Variants in EYS observed in about 807,000 individuals in gnomAD.
EYS encodes protein eyes shut homolog.
Under a neutral mutation model 282.1 loss-of-function variants are expected in EYS, and 250 were observed. The ratio of observed to expected loss-of-function variants is 0.89; its 90% confidence interval spans 0.80 to 0.98. The LOEUF is 0.98. Among genes scored for constraint, EYS ranks in the 50% least tolerant of loss-of-function variants. The probability of loss-of-function intolerance (pLI) is 0.00; values close to 1 mark genes in which losing one functional copy is unlikely to be tolerated. For synonymous variants in EYS, 1,355 were observed against 1,282.9 expected (o/e 1.06, Z -1.20); for missense variants, 4,016 against 3,709.0 (o/e 1.08, Z -2.15).
chr6:64,721,744 A>G (rs1390276), intron 22 of EYS, among the ~76,000 whole-genome samples: 102,987 of 151,994 alleles, frequency 0.68, 37,161 homozygotes, highest in Non-Finnish European at 0.8. Context: ...TAAAGTACTA[A>G]GAATCATTTT....
At chr6:65,122,789 T>C (rs1775599701) in intron 12 of EYS, among the ~76,000 whole-genome samples, 1 of 152,120 alleles carries the variant, frequency 6.6e-6, no homozygotes, top group Non-Finnish European at 1.5e-5. Flanking sequence ...ATCTAAAATC[T>C]TAAAATATCA....
At chr6:63,730,238 T>A (rs536036895) in intron 41 of EYS, among the ~76,000 whole-genome samples, 13 of 152,250 alleles carry the variant, frequency 8.5e-5, no homozygotes, top group Non-Finnish European at 1.9e-4. Flanking sequence ...TCCAAGTTGA[T>A]GCCACTATCA....
At chr6:64,466,060 A>C (rs921258486) in intron 26 of EYS, among the ~76,000 whole-genome samples, 2 of 152,124 alleles carry the variant, frequency 1.3e-5, no homozygotes, top group Non-Finnish European at 2.9e-5. Context: ...ATACTACCTC[A>C]TGCCTGTTAG....
At chr6:64,409,047 T>C (rs146861170) in intron 28 of EYS, among the ~76,000 whole-genome samples, 104 of 152,286 alleles carry the variant, frequency 6.8e-4, no homozygotes, top group African/African-American at 2.3e-3. Flanking sequence ...ACATGTTGTA[T>C]TTGGTTTTCT....
Position 65,534,751 on chromosome 6 carries a change from C to G in EYS, c.-332-38758G>C, listed in dbSNP as rs181566480. 4.7e-3 allele frequency among the ~76,000 whole-genome samples: 711 copies of G among 152,224 alleles called. 6 individuals carry two copies. Among genetic ancestry groups the G allele is most frequent in the African/African-American group, 0.016 (654 of 41,550 alleles). ...CAACCGAAGCCTTCCCCTTTTTCCA[C>G]CGTAAAGCTTCACACTCCACTGCCT... is the stretch of plus-strand genomic sequence containing the variant. On this transcript the variant is annotated intron_variant, in intron 2 of 42. Transcript: ENST00000503581.
intron 19 of EYS, among the ~76,000 whole-genome samples, chr6:64,870,979 A>G (rs1474397974): frequency 6.6e-6 from 1 of 151,920 alleles, no homozygotes; most frequent in Non-Finnish European, 1.5e-5. Context: ...ACACTGTGGA[A>G]GTCTCAGAAG....
At chr6:64,201,475 A>T (rs1052778981) in intron 31 of EYS, among the ~76,000 whole-genome samples, 2 of 152,252 alleles carry the variant, frequency 1.3e-5, no homozygotes, top group African/African-American at 4.8e-5. Flanking sequence ...ACCAAGGAAA[A>T]TATTTCCCCA....
intron 24 of EYS, among the ~76,000 whole-genome samples, chr6:64,607,852 A>G (rs1300774863): frequency 6.6e-6 from 1 of 152,124 alleles, no homozygotes; most frequent in Admixed American, 6.6e-5. Context: ...AACATTTGCT[A>G]TCTATGAATA....
intron 24 of EYS, among the ~76,000 whole-genome samples, chr6:64,609,792 C>T (rs1767051190): frequency 6.6e-6 from 1 of 152,100 alleles, no homozygotes; most frequent in South Asian, 2.1e-4. Flanking sequence ...TAGGTTGAGG[C>T]AGGAGAACCA....
intron 15 of EYS, among the ~76,000 whole-genome samples, chr6:64,942,159 G>A (rs904960221): frequency 9.9e-5 from 15 of 151,690 alleles, no homozygotes; most frequent in Admixed American, 9.2e-4. Flanking sequence ...ATGCTGATGT[G>A]TGTGAGATGT....
At chr6:64,407,513 A>C (rs1773758439) in intron 28 of EYS, among the ~76,000 whole-genome samples, 1 of 152,228 alleles carries the variant, frequency 6.6e-6, no homozygotes, top group African/African-American at 2.4e-5. Flanking sequence ...GGCAAAACAG[A>C]GGTGCTGGAA....
At chr6:65,131,990 C>G (rs959162788) in intron 12 of EYS, among the ~76,000 whole-genome samples, 4 of 151,900 alleles carry the variant, frequency 2.6e-5, no homozygotes, top group Non-Finnish European at 4.4e-5. Context: ...AATTCCTGGA[C>G]ACACACACTA....
At chr6:65,210,958 G>A (rs753689461) in intron 12 of EYS, among the ~76,000 whole-genome samples, 10 of 144,766 alleles carry the variant, frequency 6.9e-5, no homozygotes, top group Admixed American at 2.0e-4. Flanking sequence ...ACACACACAC[G>A]AAGCAAACGA....
At chr6:64,532,447 C>T (rs1280900430) in intron 26 of EYS, among the ~76,000 whole-genome samples, 2 of 152,178 alleles carry the variant, frequency 1.3e-5, no homozygotes, top group Non-Finnish European at 2.9e-5. Context: ...CGGTGGCTCA[C>T]GCCTGTAATC....
intron 28 of EYS, among the ~76,000 whole-genome samples, chr6:64,408,486 A>T (rs140187239): frequency 3.9e-5 from 6 of 152,270 alleles, no homozygotes; most frequent in African/African-American, 1.4e-4. Flanking sequence ...TGCTTAAAGG[A>T]GGTGTATATC....
At chr6:64,751,356 G>A (rs1228753830) in intron 22 of EYS, among the ~76,000 whole-genome samples, 3 of 152,246 alleles carry the variant, frequency 2.0e-5, no homozygotes, top group East Asian at 1.9e-4. Flanking sequence ...AGGAGTCCAC[G>A]TCACCCCTTT....
intron 31 of EYS, among the ~76,000 whole-genome samples, chr6:64,157,953 C>A: frequency 6.6e-6 from 1 of 152,178 alleles, no homozygotes; most frequent in Non-Finnish European, 1.5e-5. Flanking sequence ...AATAGTAGAT[C>A]CAGCTACAGC....
intron 41 of EYS, among the ~76,000 whole-genome samples, chr6:63,728,207 A>G (rs1229507679): frequency 1.3e-5 from 2 of 152,102 alleles, no homozygotes; most frequent in African/African-American, 4.8e-5. Flanking sequence ...AATTACTGTT[A>G]AGTTTATTGT....
chr6:65,494,716 C>G lies in EYS; in HGVS notation c.695G>C (p.Arg232Thr), dbSNP rs139634679. The G allele has an allele frequency of 3.1e-6, 5 of 1,606,588 alleles. No individual in the cohort carries two copies. The highest frequency in any genetic ancestry group is 2.7e-5 in the African/African-American group (2 of 74,696). The change falls in exon 4 of 43, where the codon AGA becomes ACA. Residue 232 changes from arginine (R) to threonine (T), a missense_variant. Transcript: ENST00000503581. ...CKNNGSCINK[R>T]ENWDEQAYEC... ...ATATGCTTGCTCATCCCAATTTTCT[C>G]TTTTATTAATGCAACTGCCATTATT...
Sources: gnomAD v4.1 joint callset for allele counts (sites outside exome capture counted in the v4.1 genomes callset) on GRCh38, gnomAD v4.1.1 for gene constraint, MANE v1.5 for transcripts, NCBI Gene and HGNC (gene_info 2026-07-23, HGNC 2026-07-21) for gene names.